The following DVL3 variants were observed in gnomAD, a reference collection of about 807,000 sequenced individuals.
DVL3 encodes dishevelled segment polarity protein 3.
In DVL3, 27 loss-of-function variants were observed where a neutral mutation model predicts 67.4. The observed-to-expected ratio is 0.40, with a 90% CI of 0.30 to 0.55. The LOEUF (loss-of-function observed/expected upper bound fraction) is 0.55, where lower values mean the gene tolerates loss of function less well. Among genes scored for constraint, DVL3 ranks in the 20% least tolerant of loss-of-function variants. The pLI is 0.46. For synonymous variants in DVL3, 369 were observed against 396.8 expected (o/e 0.93, Z 0.83); for missense variants, 819 against 1,021.5 (o/e 0.80, Z 2.70).
rs1454724503 is a variant in DVL3, at chr3:184,167,326, G to A, written c.1199-254G>A. ...GCATTCAGTAAACGGCAGCCATTTCGATTATCATCACATGCACATCGTACA... is the reference window on the plus strand; with the variant it reads ...GCATTCAGTAAACGGCAGCCATTTCAATTATCATCACATGCACATCGTACA... On this transcript the variant is annotated intron_variant, in intron 11 of 14. Transcript: ENST00000313143. This position sits in a 1 kb window ranked among gnomAD's most constrained non-coding sequence, Gnocchi z 4.6. 5.3e-5 allele frequency among the ~76,000 whole-genome samples: 8 copies of A among 152,116 alleles called. No individual in the cohort carries two copies. Among genetic ancestry groups the A allele is most frequent in the African/African-American group, 7.2e-5 (3 of 41,424 alleles).
At position 184,170,485 on chromosome 3, in the gene DVL3, G is replaced by A. The variant is rs1398965755; in HGVS notation, c.1881G>A (p.Pro627=). ...RERAPSERSG[P]AASEHSHRSH... is the part of the protein sequence containing the mutation. ...GGGCGCCCAGCGAGCGCTCAGGGCC[G>A]GCGGCCAGCGAGCACAGCCACCGCA... Residue 627 remains proline, a synonymous_variant, in exon 15 of 15, where the codon CCG becomes CCA. Transcript: ENST00000313143. The surrounding 1 kb of genome is among the most constrained non-coding windows in gnomAD (Gnocchi z 6.5). 1.3e-6 allele frequency: 2 copies of A among 1,593,776 alleles called. No homozygotes were observed. Among genetic ancestry groups the A allele is most frequent in the South Asian group, 1.1e-5 (1 of 89,076 alleles).
chr3:184,166,706 G>T lies in DVL3; in HGVS notation c.1048+33G>T, dbSNP rs369163894. On this transcript the variant is annotated intron_variant, in intron 10 of 14. Coordinates refer to ENST00000313143, the MANE Select transcript of DVL3 (RefSeq NM_004423.4). This position sits in a 1 kb window ranked among gnomAD's most constrained non-coding sequence, Gnocchi z 6.7. ...GATGGGAGACTCAGTCCTAAAGCTG[G>T]TGCTTACATACATGAGCACTGTCTC... is the stretch of plus-strand genomic sequence containing the variant. The T allele has an allele frequency of 6.2e-7, 1 of 1,612,952 alleles. No individual in the cohort carries two copies. Among genetic ancestry groups the T allele is most frequent in the Non-Finnish European group, 8.5e-7 (1 of 1,179,390 alleles).
At chr3:184,156,974 C>T (rs977706705) in intron 1 of DVL3, 5 of 161,000 alleles carry the variant, frequency 3.1e-5, no homozygotes, top group African/African-American at 1.2e-4. Flanking sequence ...GCCCACCTAG[C>T]ACTAGGAAGC....
intron 1 of DVL3, among the ~76,000 whole-genome samples, chr3:184,159,752 T>C (rs1442347227): frequency 6.6e-6 from 1 of 152,102 alleles, no homozygotes; most frequent in Admixed American, 6.6e-5. Flanking sequence ...CTCCAACCAC[T>C]TCCTGGATTG....
In DVL3 at chr3:184,165,627, G is replaced by A; in HGVS notation, c.763+136G>A. The A allele has an allele frequency of 1.4e-6, 1 of 721,322 alleles. No individual in the cohort carries two copies. Among genetic ancestry groups the A allele is most frequent in the South Asian group, 1.7e-5 (1 of 58,066 alleles). 44.7% of individuals were successfully genotyped at this position (721,322 alleles called of 1,614,324 possible). On this transcript the variant is annotated intron_variant, in intron 7 of 14. Transcript: ENST00000313143. This position sits in a 1 kb window ranked among gnomAD's most constrained non-coding sequence, Gnocchi z 4.1. ...GTAAACATCAGCTGATACATAAACT[G>A]ATCATTTTAGTATCTCACCATCAGG... is the stretch of plus-strand genomic sequence containing the variant.
In DVL3 at chr3:184,165,480, C is replaced by T. The variant is rs1336866031; in HGVS notation, c.752C>T (p.Thr251Ile). Residue 251 changes from threonine to isoleucine, a missense_variant, in exon 7 of 15, where the codon ACT becomes ATT. Transcript: ENST00000313143. This position sits in a 1 kb window ranked among gnomAD's most constrained non-coding sequence, Gnocchi z 4.1. ...ATGTCACTCAACATCATCACGGTCA[C>T]TCTCAACATGGGTGAGTCTGAGGAA... ...STMSLNIITV[T>I]LNMEKYNFLG... 3 of 1,613,974 alleles carry T rather than the reference C, an allele frequency of 1.9e-6. No homozygotes were observed.
At position 184,165,602 on chromosome 3, in the gene DVL3, G is replaced by A. The variant is rs143975771; in HGVS notation, c.763+111G>A. 1.5e-4 allele frequency: 137 copies of A among 889,088 alleles called. No homozygotes were observed. The African/African-American group carries it at 1.9e-3, about 12-fold the overall frequency. The allele number at this position is 889,088 out of a possible 1,614,324, so 55.1% of individuals were successfully genotyped here. A position where few individuals can be genotyped will look rare whatever the true frequency, so the allele number is the denominator to read the frequency against. On this transcript the variant is annotated intron_variant, in intron 7 of 14. Coordinates refer to ENST00000313143, the MANE Select transcript of DVL3 (RefSeq NM_004423.4). This position sits in a 1 kb window ranked among gnomAD's most constrained non-coding sequence, Gnocchi z 4.1. ...CCCTGCCCTCAAGGAGCTCTCTTTC[G>A]TAAACATCAGCTGATACATAAACTG...
In DVL3 at chr3:184,170,855, GAAAT is replaced by G; in HGVS notation, c.*104_*107del. On this transcript the variant is annotated 3_prime_UTR_variant, in exon 15 of 15. Coordinates refer to ENST00000313143, the MANE Select transcript of DVL3 (RefSeq NM_004423.4). The surrounding 1 kb of genome is among the most constrained non-coding windows in gnomAD (Gnocchi z 6.5). ...TTTACTTTGTCTGGTACCTGAAAGGGAAATAAAAGGAACTAAATCCAGGTGCGCT... is the reference window on the plus strand; with the variant it reads ...TTTACTTTGTCTGGTACCTGAAAGGGAAAAGGAACTAAATCCAGGTGCGCT... The G allele has an allele frequency of 6.4e-7, 1 of 1,557,262 alleles. No individual in the cohort carries two copies. The highest frequency in any genetic ancestry group is 8.7e-7 in the Non-Finnish European group (1 of 1,151,176).
In DVL3 at chr3:184,167,475, C is replaced by A; in HGVS notation, c.1199-105C>A. 1 of 1,119,250 alleles carries A rather than the reference C, an allele frequency of 8.9e-7. No individual in the cohort carries two copies. The highest frequency in any genetic ancestry group is 1.3e-6 in the Non-Finnish European group (1 of 786,036). The allele number at this position is 1,119,250 out of a possible 1,614,324, so 69.3% of individuals were successfully genotyped here. A position where few individuals can be genotyped will look rare whatever the true frequency, so the allele number is the denominator to read the frequency against. Reference sequence around the variant, plus strand: ...GTGTCCAAGAAATCAGTAATTTTCCCAGCATTGATCCCATAATTACTAGAT... The same window carrying A: ...GTGTCCAAGAAATCAGTAATTTTCCAAGCATTGATCCCATAATTACTAGAT... On this transcript the variant is annotated intron_variant, in intron 11 of 14. Coordinates refer to ENST00000313143, the MANE Select transcript of DVL3 (RefSeq NM_004423.4). The surrounding 1 kb of genome is among the most constrained non-coding windows in gnomAD (Gnocchi z 4.6).
Position 184,163,678 on chromosome 3 carries a change from G to A in DVL3, c.183G>A (p.Ser61=), listed in dbSNP as rs766628577. Residue 61 remains serine, a synonymous_variant, in exon 2 of 15, where the codon TCG becomes TCA. Coordinates refer to ENST00000313143, the MANE Select transcript of DVL3 (RefSeq NM_004423.4). This position sits in a 1 kb window ranked among gnomAD's most constrained non-coding sequence, Gnocchi z 4.5. Reference sequence around the variant, plus strand: ...GCAGAGTGGTGAAGGAGGAGATCTCGGATGACAATGCCAAGCTACCATGCT... The same window carrying A: ...GCAGAGTGGTGAAGGAGGAGATCTCAGATGACAATGCCAAGCTACCATGCT... The part of the protein sequence containing the change: ...DDFGVVKEEI[S]DDNAKLPCFN... 7.4e-6 allele frequency: 12 copies of A among 1,613,830 alleles called. No individual in the cohort carries two copies. The highest frequency in any genetic ancestry group is 2.2e-5 in the East Asian group (1 of 44,886).
At chr3:184,156,583 G>T in intron 1 of DVL3, 1 of 410,802 alleles carries the variant, frequency 2.4e-6, no homozygotes, top group South Asian at 1.8e-5. Flanking sequence ...CTCCCTGGTG[G>T]GGTCTTCCCT....
chr3:184,172,922 C>A lies in DVL3; in HGVS notation c.*2167C>A, dbSNP rs1042002325. 1 of 152,212 alleles carries A rather than the reference C, an allele frequency of 6.6e-6. No homozygotes were observed. Among genetic ancestry groups the A allele is most frequent in the African/African-American group, 2.4e-5 (1 of 41,444 alleles). The allele number at this position is 152,212 out of a possible 1,614,324, so 9.4% of individuals were successfully genotyped here. A position where few individuals can be genotyped will look rare whatever the true frequency, so the allele number is the denominator to read the frequency against. ...CTCTGACTCTGTCTTGTCCGACTCT[C>A]TTGAGAATTTCTCAACGATTGCTCA... On this transcript the variant is annotated 3_prime_UTR_variant, in exon 15 of 15. Coordinates refer to ENST00000313143, the MANE Select transcript of DVL3 (RefSeq NM_004423.4).
At chr3:184,159,566 G>A (rs1228523946) in intron 1 of DVL3, among the ~76,000 whole-genome samples, 6 of 107,132 alleles carry the variant, frequency 5.6e-5, no homozygotes. Context: ...GTTTTGCTAC[G>A]TTAGCCAAGC....
At chr3:184,156,716 G>C (rs1577043355) in intron 1 of DVL3, 1 of 310,980 alleles carries the variant, frequency 3.2e-6, no homozygotes, top group East Asian at 8.8e-5. Context: ...GGGGGGCCTG[G>C]CTGATCCCCC....
At position 184,164,377 on chromosome 3, in the gene DVL3, C is replaced by T; in HGVS notation, c.342C>T (p.Pro114=). The T allele has an allele frequency of 6.2e-7, 1 of 1,613,866 alleles. No individual in the cohort carries two copies. Among genetic ancestry groups the T allele is most frequent in the Non-Finnish European group, 8.5e-7 (1 of 1,179,856 alleles). Residue 114 remains proline, a synonymous_variant, in exon 3 of 15, where the codon CCC becomes CCT. Transcript: ENST00000313143. This position sits in a 1 kb window ranked among gnomAD's most constrained non-coding sequence, Gnocchi z 5.3. ...CGGGAGGCATCGGGGACTCCCGACC[C>T]CCATCCTTCCAGTGAGTGTGACCTG... is the stretch of plus-strand genomic sequence containing the variant. The part of the protein sequence containing the change: ...ERTGGIGDSR[P]PSFHPHAGGG...
chr3:184,165,567 A>ACCACC lies in DVL3; in HGVS notation c.763+76_763+77insCCACC. The ACCACC allele has an allele frequency of 7.5e-7, 1 of 1,330,188 alleles. No homozygotes were observed. Among genetic ancestry groups the ACCACC allele is most frequent in the Admixed American group, 1.7e-5 (1 of 58,200 alleles). The allele number at this position is 1,330,188 out of a possible 1,614,324, so 82.4% of individuals were successfully genotyped here. A position where few individuals can be genotyped will look rare whatever the true frequency, so the allele number is the denominator to read the frequency against. Reference sequence around the variant, plus strand: ...GGGCAGACTTGAGTTCAGAGAGCGTAGAATATGTTCCCTGCCCTCAAGGAG... The same window carrying ACCACC: ...GGGCAGACTTGAGTTCAGAGAGCGTACCACCGAATATGTTCCCTGCCCTCAAGGAG... On this transcript the variant is annotated intron_variant, in intron 7 of 14. Transcript: ENST00000313143. This position sits in a 1 kb window ranked among gnomAD's most constrained non-coding sequence, Gnocchi z 4.1.
In DVL3 at chr3:184,170,765, C is replaced by T; in HGVS notation, c.*10C>T. 2.5e-6 allele frequency: 4 copies of T among 1,612,228 alleles called. No individual in the cohort carries two copies. Among genetic ancestry groups the T allele is most frequent in the Non-Finnish European group, 3.4e-6 (4 of 1,179,626 alleles). On this transcript the variant is annotated 3_prime_UTR_variant, in exon 15 of 15. Transcript: ENST00000313143. The surrounding 1 kb of genome is among the most constrained non-coding windows in gnomAD (Gnocchi z 6.5). ...TGTGGATGTGATGTGAGCAGGGCCC[C>T]TCCCCCAGCTCCATTCCGCTCCCAC...
At position 184,170,442 on chromosome 3, in the gene DVL3, T is replaced by C; in HGVS notation, c.1838T>C (p.Leu613Pro). ...TCGGACCACACCACACGCAGCAGCC[T>C]GCGGGGGCCGCGGGAGCGGGCGCCC... is the stretch of plus-strand genomic sequence containing the variant. ...SESDHTTRSS[L>P]RGPRERAPSE... Residue 613 changes from leucine to proline, a missense_variant, in exon 15 of 15, where the codon CTG becomes CCG. By Grantham distance (98) the Leu-to-Pro change is moderately conservative. Coordinates refer to ENST00000313143, the MANE Select transcript of DVL3 (RefSeq NM_004423.4). The surrounding 1 kb of genome is among the most constrained non-coding windows in gnomAD (Gnocchi z 6.5). 1.9e-6 allele frequency: 3 copies of C among 1,586,336 alleles called. No individual in the cohort carries two copies. Among genetic ancestry groups the C allele is most frequent in the Middle Eastern group, 1.7e-4 (1 of 5,954 alleles).
chr3:184,164,752 T>C lies in DVL3; in HGVS notation c.464-44T>C. 1 of 1,613,584 alleles carries C rather than the reference T, an allele frequency of 6.2e-7. No individual in the cohort carries two copies. Among genetic ancestry groups the C allele is most frequent in the East Asian group, 2.2e-5 (1 of 44,858 alleles). Reference sequence around the variant, plus strand: ...CTTGCCTCTCTCCCTCCTTCACCCCTGCACTGGGCACTGTGTAAACCCAAC... The same window carrying C: ...CTTGCCTCTCTCCCTCCTTCACCCCCGCACTGGGCACTGTGTAAACCCAAC... On this transcript the variant is annotated intron_variant, in intron 4 of 14. Coordinates refer to ENST00000313143, the MANE Select transcript of DVL3 (RefSeq NM_004423.4). This position sits in a 1 kb window ranked among gnomAD's most constrained non-coding sequence, Gnocchi z 5.3.
Sources: allele counts gnomAD v4.1 joint callset (sites outside exome capture counted in the v4.1 genomes callset), GRCh38; gene constraint gnomAD v4.1.1; non-coding constraint Gnocchi (gnomAD v3.1); transcripts MANE v1.5; gene names NCBI Gene and HGNC (gene_info 2026-07-23, HGNC 2026-07-21).